DMXL2: variants seen among roughly 807,000 people sequenced by gnomAD.
The protein encoded by DMXL2 is Dmx like 2, also known as dmX-like protein 2.
DMXL2 carries 103 observed loss-of-function variants against 331.1 expected under a neutral mutation model. The observed-to-expected ratio is 0.31, with a 90% confidence interval of 0.27 to 0.37. DMXL2 has a LOEUF of 0.37. DMXL2 is among the 10% of genes least tolerant of loss of function. The probability of loss-of-function intolerance (pLI) is 1.00; values close to 1 mark genes in which losing one functional copy is unlikely to be tolerated. For missense variants in DMXL2, 3,171 were observed against 3,642.9 expected (o/e 0.87, Z 3.33); for synonymous variants, 1,281 against 1,252.1 (o/e 1.02, Z -0.49).
chr15:51,552,158 G>A (rs1596229635), intron 6 of DMXL2, among the ~76,000 whole-genome samples: 2 of 152,200 alleles, frequency 1.3e-5, no homozygotes. Context: ...GAATGAAGCT[G>A]GAGAGGCACG....
Position 51,536,677 on chromosome 15 carries a change from T to C in DMXL2, c.1803A>G (p.Thr601=), listed in dbSNP as rs762689859. 8 of 1,614,028 alleles carry C rather than the reference T, an allele frequency of 5.0e-6. No individual in the cohort carries two copies. The highest frequency in any genetic ancestry group is 1.7e-5 in the Admixed American group (1 of 59,982). ...CTGTGGGAGCTAAGATGTTCATATGTGTACTGTGGGATCTAGAGTGTGGCT... is the reference window on the plus strand; with the variant it reads ...CTGTGGGAGCTAAGATGTTCATATGCGTACTGTGGGATCTAGAGTGTGGCT... ...GSQPHSRSHS[T]HMNILAPTVM... The change falls in exon 12 of 44, where the codon ACA becomes ACG. Residue 601 remains threonine, a synonymous_variant. Coordinates refer to ENST00000560891, the MANE Select transcript of DMXL2 (RefSeq NM_001378457.1).
chr15:51,464,679 A>G lies in DMXL2; in HGVS notation c.7804T>C (p.Phe2602Leu), dbSNP rs1354397943. The G allele has an allele frequency of 6.2e-7, 1 of 1,613,622 alleles. No individual in the cohort carries two copies. Among genetic ancestry groups the G allele is most frequent in the Non-Finnish European group, 8.5e-7 (1 of 1,179,678 alleles). The stretch of plus-strand genomic sequence containing the variant: ...GCATTATAAGAGCTTTCTTACTTGA[A>G]TGGGGTATTTTCAGGTTCTAGCATT... ...KAMLEPENTP[F>L]KSRDSSAFPV... The change falls in exon 32 of 44, where the codon TTC becomes CTC. Residue 2602 changes from phenylalanine (F) to leucine (L), a missense_variant. By Grantham distance (22) the Phe-to-Leu change is conservative (BLOSUM62 0). This residue lies in a region of DMXL2 where 766 missense variants were observed against 940.5 expected (regional missense o/e 0.81). Transcript: ENST00000560891.
At chr15:51,542,169 T>C (rs756027286) in intron 9 of DMXL2, among the ~76,000 whole-genome samples, 164 bp downstream of exon 9, 1 of 152,186 alleles carries the variant, frequency 6.6e-6, no homozygotes, top group Non-Finnish European at 1.5e-5. Context: ...CCCAATCACA[T>C]AGGCCCAATT....
At position 51,458,568 on chromosome 15, in the gene DMXL2, A is replaced by G. The variant is rs771727094; in HGVS notation, c.8136T>C (p.Thr2712=). The change falls in exon 36 of 44, where the codon ACT becomes ACC. Residue 2712 remains threonine (T), a synonymous_variant. Transcript: ENST00000560891. The part of the protein sequence containing the change: ...STHDVQELDV[T]SLLACQSYIW... ...TGTATGACTGACAGGCCAGTAGAGA[A>G]GTAACATCAAGTTCTTGAACATCAT... is the stretch of plus-strand genomic sequence containing the variant. 1 of 1,614,010 alleles carries G rather than the reference A, an allele frequency of 6.2e-7. No individual in the cohort carries two copies. The highest frequency in any genetic ancestry group is 2.2e-5 in the East Asian group (1 of 44,856).
rs1451521859 is a variant in DMXL2, at chr15:51,537,527, A to G, written c.1578T>C (p.Tyr526=). 1 of 1,613,730 alleles carries G rather than the reference A, an allele frequency of 6.2e-7. No individual in the cohort carries two copies. ...DGTFLVWHVK[Y]LDEYNPGIFR... ...ATATTCCAGGATTATATTCATCCAA[A>G]TACTTCACATGCCACACTAGAAAGG... The change falls in exon 11 of 44, where the codon TAT becomes TAC. Residue 526 remains tyrosine, a synonymous_variant. Coordinates refer to ENST00000560891, the MANE Select transcript of DMXL2 (RefSeq NM_001378457.1).
chr15:51,521,447 G>C (rs924354737), intron 13 of DMXL2, among the ~76,000 whole-genome samples: 1 of 149,786 alleles, frequency 6.7e-6, no homozygotes, highest in African/African-American at 2.5e-5. Context: ...AGTAGTAGTA[G>C]TAGTAGTAGT....
At chr15:51,470,314 TG>T (rs1160891286) in intron 29 of DMXL2, among the ~76,000 whole-genome samples, 1 of 152,104 alleles carries the variant, frequency 6.6e-6, no homozygotes, top group Non-Finnish European at 1.5e-5. Context: ...AAAATTTTTT[TG>T]GCAGAGACAT....
intron 13 of DMXL2, among the ~76,000 whole-genome samples, chr15:51,524,742 C>A (rs2140769749): frequency 6.6e-6 from 1 of 152,262 alleles, no homozygotes; most frequent in Non-Finnish European, 1.5e-5. Flanking sequence ...TCTGTCTGAG[C>A]TTGATTCCCC....
At chr15:51,501,509 G>A (rs1161354908) in intron 17 of DMXL2, among the ~76,000 whole-genome samples, 4 of 152,114 alleles carry the variant, frequency 2.6e-5, no homozygotes, top group Admixed American at 6.5e-5. Context: ...TTACCACAAT[G>A]TGAATGAAGT....
At chr15:51,573,291 T>C (rs973243972) in intron 2 of DMXL2, among the ~76,000 whole-genome samples, 11 of 152,238 alleles carry the variant, frequency 7.2e-5, no homozygotes, top group Admixed American at 2.6e-4. Flanking sequence ...AGTGTGGGAA[T>C]TCCTCAAGGA....
chr15:51,447,820 C>A lies in DMXL2; in HGVS notation c.*1164G>T. 1 of 152,600 alleles carries A rather than the reference C, an allele frequency of 6.6e-6. No individual in the cohort carries two copies. Among genetic ancestry groups the A allele is most frequent in the Non-Finnish European group, 1.5e-5 (1 of 68,022 alleles). 9.5% of individuals were successfully genotyped at this position (152,600 alleles called of 1,614,324 possible). ...ACAAATAACATTTATTTTTCTTTTA[C>A]ATATATATTTCACAGCCTGAACATC... On this transcript the variant is annotated 3_prime_UTR_variant, in exon 44 of 44. Transcript: ENST00000560891.
In DMXL2 at chr15:51,484,936, T is replaced by TA. The variant is rs1346287870; in HGVS notation, c.5482+1136dup. On this transcript the variant is annotated intron_variant, in intron 23 of 43. Coordinates refer to ENST00000560891, the MANE Select transcript of DMXL2 (RefSeq NM_001378457.1). ...GAGCTAAAAAATTCAATGAATGAAA[T>TA]AAAAAATATAATCAAGAGCTTCAAC... 5.1e-5 allele frequency among the ~76,000 whole-genome samples: 6 copies of TA among 118,258 alleles called. No individual in the cohort carries two copies. In the South Asian group the frequency reaches 7.6e-4, roughly 15 times the overall value. The allele number at this position is 118,258 out of a possible 152,430, so 77.6% of individuals were successfully genotyped here. A position where few individuals can be genotyped will look rare whatever the true frequency, so the allele number is the denominator to read the frequency against.
rs1020665629 is a variant in DMXL2, at chr15:51,557,117, T to C, written c.567+6264A>G. ...GATGAACTACAGCTTTCATTATTCA[T>C]AGATTATATAATTGTGTACATATAA... On this transcript the variant is annotated intron_variant, in intron 6 of 43. Transcript: ENST00000560891. Among the ~76,000 whole-genome samples, 12 of 152,286 alleles carry C rather than the reference T, an allele frequency of 7.9e-5. No homozygotes were observed. The South Asian group carries it at 2.5e-3, about 32-fold the overall frequency.
intron 32 of DMXL2, 30 bp downstream of exon 32, chr15:51,464,643 GCT>G (rs1324573218): frequency 6.3e-7 from 1 of 1,585,494 alleles, no homozygotes; most frequent in African/African-American, 1.3e-5. Flanking sequence ...GTTAAGCTAC[GCT>G]CTTTATCAGC....
chr15:51,455,994 A>C, intron 39 of DMXL2, 72 bp downstream of exon 39: 1 of 1,551,358 alleles, frequency 6.4e-7, no homozygotes, highest in Non-Finnish European at 8.8e-7. Context: ...TTTTCGATGC[A>C]CTTTTATCAC....
At chr15:51,531,879 T>C (rs779860146) in intron 13 of DMXL2, among the ~76,000 whole-genome samples, 6 of 152,132 alleles carry the variant, frequency 3.9e-5, no homozygotes, top group Non-Finnish European at 7.4e-5. Context: ...ATAACAAATG[T>C]TGGCATAGAT....
At chr15:51,621,954 A>G (rs1308985723) in intron 1 of DMXL2, among the ~76,000 whole-genome samples, 1 of 152,196 alleles carries the variant, frequency 6.6e-6, no homozygotes, top group Non-Finnish European at 1.5e-5. Context: ...TTAAAGCCAC[A>G]GACTCCAGCA....
At chr15:51,475,685 G>A (rs889736740) in intron 27 of DMXL2, among the ~76,000 whole-genome samples, 1 of 152,056 alleles carries the variant, frequency 6.6e-6, no homozygotes, top group East Asian at 1.9e-4. Flanking sequence ...TGTTACATAT[G>A]GGCCCCCAAA....
intron 18 of DMXL2, among the ~76,000 whole-genome samples, chr15:51,496,509 T>C (rs2043190961): frequency 6.6e-6 from 1 of 152,188 alleles, no homozygotes; most frequent in Non-Finnish European, 1.5e-5. Context: ...GTGGGGCCTT[T>C]TAGGCCACTG....
Sources: allele counts gnomAD v4.1 joint callset (sites outside exome capture counted in the v4.1 genomes callset), GRCh38; gene constraint gnomAD v4.1.1; regional missense constraint gnomAD v4.1.1; transcripts MANE v1.5; gene names NCBI Gene and HGNC (gene_info 2026-07-23, HGNC 2026-07-21).